The following CPS1 variants were observed in gnomAD, a reference collection of about 807,000 sequenced individuals.
The protein encoded by CPS1 is carbamoyl-phosphate synthase 1, also known as carbamoyl-phosphate synthase [ammonia], mitochondrial.
A neutral mutation model predicts 174.6 loss-of-function variants in CPS1; 109 were observed. The ratio of observed to expected loss-of-function variants is 0.62; its 90% CI spans 0.53 to 0.73. CPS1 has a LOEUF of 0.73. Among genes scored for constraint, CPS1 ranks in the 30% least tolerant of loss-of-function variants. The pLI, the probability that CPS1 is intolerant of heterozygous loss-of-function variation, is 0.00. For missense variants in CPS1, 1,689 were observed against 1,821.9 expected (o/e 0.93, Z 1.33); for synonymous variants, 637 against 632.0 (o/e 1.01, Z -0.12).
intron 1 of CPS1, among the ~76,000 whole-genome samples, chr2:210,505,726 A>C (rs1695261569): frequency 6.6e-6 from 1 of 152,182 alleles, no homozygotes; most frequent in Non-Finnish European, 1.5e-5. Context: ...AGCAAACGGC[A>C]CACCAGGAGA....
intron 16 of CPS1, 111 bp from the exon 17 acceptor site, chr2:210,604,991 G>A (rs1190122219): frequency 8.5e-7 from 1 of 1,183,056 alleles, no homozygotes; most frequent in Non-Finnish European, 1.2e-6. Flanking sequence ...TGGAGACGGG[G>A]TTTGAGAGTT....
chr2:210,606,484 G>C (rs1055815796), intron 17 of CPS1, among the ~76,000 whole-genome samples: 5 of 151,848 alleles, frequency 3.3e-5, no homozygotes, highest in African/African-American at 1.2e-4. Context: ...CTAGTAAGTA[G>C]ACGATTGAAG....
chr2:210,541,516 T>C (rs1285122900), intron 1 of CPS1, among the ~76,000 whole-genome samples: 3 of 152,044 alleles, frequency 2.0e-5, no homozygotes, highest in Non-Finnish European at 4.4e-5. Flanking sequence ...AACAAACACA[T>C]TTTGCAAGGG....
intron 4 of CPS1, among the ~76,000 whole-genome samples, chr2:210,578,214 T>C (rs1339706846): frequency 6.6e-6 from 1 of 152,224 alleles, no homozygotes; most frequent in Non-Finnish European, 1.5e-5. Context: ...GTTCAAGCTA[T>C]TCACCTGCTT....
chr2:210,629,470 A>G (rs952740108), intron 21 of CPS1, among the ~76,000 whole-genome samples: 5 of 151,504 alleles, frequency 3.3e-5, no homozygotes, highest in Non-Finnish European at 5.9e-5. Flanking sequence ...GCCTGCCACC[A>G]CGCCCAGCTA....
intron 1 of CPS1, among the ~76,000 whole-genome samples, chr2:210,539,001 A>G (rs2012564): frequency 0.47 from 71,072 of 151,992 alleles, 17,363 homozygotes; most frequent in African/African-American, 0.6. Flanking sequence ...TACATAGTGT[A>G]TTTTATTAAT....
At chr2:210,580,285 A>G (rs986641089) in intron 5 of CPS1, among the ~76,000 whole-genome samples, 7 of 152,122 alleles carry the variant, frequency 4.6e-5, no homozygotes, top group African/African-American at 1.7e-4. Flanking sequence ...TACTTCAATT[A>G]TATAGTCTTT....
intron 15 of CPS1, 141 bp from the exon 16 acceptor site, chr2:210,602,061 G>A: frequency 2.1e-6 from 2 of 944,708 alleles, no homozygotes; most frequent in Admixed American, 4.0e-5. Flanking sequence ...TTTTCAGAAT[G>A]AGATGAGGGA....
chr2:210,559,771 T>C (rs920839576), intron 1 of CPS1, among the ~76,000 whole-genome samples: 1 of 152,172 alleles, frequency 6.6e-6, no homozygotes, highest in African/African-American at 2.4e-5. Context: ...AAGTCACATA[T>C]TCTCTGAACC....
At position 210,592,902 on chromosome 2, in the gene CPS1, C is replaced by T. The variant is rs557706158; in HGVS notation, c.1110C>T (p.Pro370=). ...TNEGIMHESK[P]FFAVQFHPEV... ...AGGGGATTATGCATGAGAGCAAACC[C>T]TTCTTCGCTGTGCAGTTCCACCCAG... is the stretch of plus-strand genomic sequence containing the variant. Residue 370 remains proline, a synonymous_variant, in exon 11 of 38, where the codon CCC becomes CCT. Coordinates refer to ENST00000233072, the MANE Select transcript of CPS1 (RefSeq NM_001875.5). The T allele has an allele frequency of 3.1e-6, 5 of 1,612,480 alleles. No homozygotes were observed. The highest frequency in any genetic ancestry group is 1.7e-5 in the Admixed American group (1 of 59,854).
At chr2:210,569,535 A>C (rs1697411555) in intron 1 of CPS1, among the ~76,000 whole-genome samples, 1 of 152,042 alleles carries the variant, frequency 6.6e-6, no homozygotes, top group Non-Finnish European at 1.5e-5. Flanking sequence ...CCTCAGTGAT[A>C]TCCTTATTGA....
upstream of CPS1, among the ~76,000 whole-genome samples, chr2:210,554,864 C>CACACAA (rs1412691572): frequency 6.6e-6 from 1 of 151,240 alleles, no homozygotes; most frequent in East Asian, 1.9e-4. Context: ...CACACACACA[C>CACACAA]ACATAAAAAG....
intron 1 of CPS1, among the ~76,000 whole-genome samples, chr2:210,507,223 C>A (rs1421854169): frequency 6.6e-6 from 1 of 152,176 alleles, no homozygotes; most frequent in Admixed American, 6.5e-5. Context: ...GGCCAATATT[C>A]AACATTCTTA....
intron 15 of CPS1, among the ~76,000 whole-genome samples, chr2:210,601,865 C>T (rs151329454): frequency 2.6e-5 from 4 of 151,848 alleles, no homozygotes; most frequent in African/African-American, 7.2e-5. Context: ...ATGTAAAAAT[C>T]GTAAAAATCC....
Position 210,512,867 on chromosome 2 carries a change from T to TATATATATGGAGATATATATATATAG in CPS1, c.3+35109_3+35110insGGAGATATATATATATAGATATATAT, listed in dbSNP as rs1695545871. Among the ~76,000 whole-genome samples the TATATATATGGAGATATATATATATAG allele has an allele frequency of 9.0e-5, 4 of 44,666 alleles. 1 individual carries two copies. In the East Asian group the frequency reaches 2.4e-3, roughly 27 times the overall value. The allele number at this position is 44,666 out of a possible 152,430, so 29.3% of individuals were successfully genotyped here. ...ATATGGAGATATATATATATAGATA[T>TATATATATGGAGATATATATATATAG]ATATATATAGAGATATATATATGGA... On this transcript the variant is annotated intron_variant, in intron 1 of 38. Coordinates refer to the CPS1 transcript ENST00000430249.
intron 21 of CPS1, among the ~76,000 whole-genome samples, chr2:210,616,913 T>C (rs1699331688): frequency 6.6e-6 from 1 of 152,032 alleles, no homozygotes; most frequent in Non-Finnish European, 1.5e-5. Flanking sequence ...CTATAAATTT[T>C]CCTCTACATT....
intron 19 of CPS1, among the ~76,000 whole-genome samples, chr2:210,608,887 A>G (rs1699017609): frequency 6.6e-6 from 1 of 151,880 alleles, no homozygotes; most frequent in Non-Finnish European, 1.5e-5. Context: ...GTTGTAATAT[A>G]TTTTATAACC....
chr2:210,614,408 T>C (rs1699233661), intron 20 of CPS1, among the ~76,000 whole-genome samples: 2 of 152,110 alleles, frequency 1.3e-5, no homozygotes, highest in East Asian at 3.9e-4. Flanking sequence ...CCTTTGGGTA[T>C]ATACCCAGTA....
At chr2:210,507,348 G>C (rs1312339139) in intron 1 of CPS1, among the ~76,000 whole-genome samples, 2 of 152,082 alleles carry the variant, frequency 1.3e-5, no homozygotes, top group African/African-American at 4.8e-5. Flanking sequence ...CTCACCACCA[G>C]GCCTGCCCTA....
Sources: gnomAD v4.1 joint callset for allele counts (sites outside exome capture counted in the v4.1 genomes callset) on GRCh38, gnomAD v4.1.1 for gene constraint, MANE v1.5 for transcripts, NCBI Gene and HGNC (gene_info 2026-07-23, HGNC 2026-07-21) for gene names.